The following CDH12 variants were observed in gnomAD, a reference collection of about 807,000 sequenced individuals.
CDH12 encodes the protein cadherin-12.
In CDH12, 41 loss-of-function variants were observed where a neutral mutation model predicts 74.1. The ratio of observed to expected loss-of-function variants is 0.55; its 90% confidence interval spans 0.43 to 0.72. CDH12 has a LOEUF of 0.72. Ranked by LOEUF, CDH12 falls within the 30% of genes least tolerant of loss-of-function variation. The probability of loss-of-function intolerance (pLI) is 0.00; values close to 1 mark genes in which losing one functional copy is unlikely to be tolerated. For synonymous variants in CDH12, 399 were observed against 355.0 expected (o/e 1.12, Z -1.39); for missense variants, 945 against 977.2 (o/e 0.97, Z 0.44).
At chr5:22,312,210 T>C (rs1738423998) in intron 3 of CDH12, among the ~76,000 whole-genome samples, 1 of 151,956 alleles carries the variant, frequency 6.6e-6, no homozygotes, top group African/African-American at 2.4e-5. Context: ...GAGTTTTCAG[T>C]AGATATGTTA....
At chr5:21,885,477 T>C in intron 6 of CDH12, among the ~76,000 whole-genome samples, 1 of 152,158 alleles carries the variant, frequency 6.6e-6, no homozygotes, top group East Asian at 1.9e-4. Flanking sequence ...TCAAAATGGT[T>C]CACTCTTTCA....
intron 3 of CDH12, among the ~76,000 whole-genome samples, chr5:22,353,291 C>G (rs2150466243): frequency 6.6e-6 from 1 of 152,240 alleles, no homozygotes; most frequent in Admixed American, 6.5e-5. Context: ...CAAATATTTT[C>G]TACATAATTA....
chr5:22,842,550 G>GATTT (rs1197576052), intron 1 of CDH12, among the ~76,000 whole-genome samples: 2 of 152,126 alleles, frequency 1.3e-5, no homozygotes, highest in African/African-American at 4.8e-5. Context: ...AATAACCAAA[G>GATTT]ATTTATTGGT....
At chr5:22,586,512 A>T (rs1195996954) in intron 1 of CDH12, among the ~76,000 whole-genome samples, 5 of 140,856 alleles carry the variant, frequency 3.5e-5, no homozygotes, top group African/African-American at 1.3e-4. Context: ...TATAAATAAA[A>T]ATAAAACTTG....
At chr5:22,067,033 T>C (rs1045141803) in intron 5 of CDH12, among the ~76,000 whole-genome samples, 4 of 152,192 alleles carry the variant, frequency 2.6e-5, no homozygotes, top group Admixed American at 2.6e-4. Context: ...AGTTTGCTTC[T>C]GGCTGGCAAG....
intron 11 of CDH12, among the ~76,000 whole-genome samples, chr5:21,780,048 T>A (rs781771263): frequency 8.5e-5 from 13 of 152,282 alleles, no homozygotes; most frequent in Middle Eastern, 3.4e-3. Flanking sequence ...CAGAAGTCCA[T>A]TTTAGGAATA....
intron 9 of CDH12, among the ~76,000 whole-genome samples, chr5:21,812,021 C>T (rs1747772374): frequency 1.2e-4 from 18 of 151,896 alleles, no homozygotes; most frequent in Admixed American, 1.2e-3. Context: ...CAAGCCCTCC[C>T]TCTATACAGG....
At chr5:22,130,965 A>G (rs1326793299) in intron 4 of CDH12, among the ~76,000 whole-genome samples, 2 of 151,882 alleles carry the variant, frequency 1.3e-5, no homozygotes, top group East Asian at 1.9e-4. Context: ...TGTCTTCTTT[A>G]TCTCAGCATC....
intron 3 of CDH12, among the ~76,000 whole-genome samples, chr5:22,337,377 G>T (rs1315263007): frequency 6.6e-6 from 1 of 152,134 alleles, no homozygotes; most frequent in Non-Finnish European, 1.5e-5. Context: ...GGAGGTGCTG[G>T]GGTGGAATGA....
chr5:21,880,612 C>CTCTCTCTCTCTCT (rs1561268318), intron 6 of CDH12, among the ~76,000 whole-genome samples: 7 of 69,872 alleles, frequency 1.0e-4, no homozygotes, highest in African/African-American at 4.6e-4. Context: ...TCCTTCCTTC[C>CTCTCTCTCTCTCT]TTCCTTCTTT....
At chr5:21,817,450 G>A (rs1748121894) in intron 8 of CDH12, among the ~76,000 whole-genome samples, 1 of 151,850 alleles carries the variant, frequency 6.6e-6, no homozygotes, top group Admixed American at 6.6e-5. Context: ...GGGAGGGTGG[G>A]ACTATTCATG....
intron 3 of CDH12, among the ~76,000 whole-genome samples, chr5:22,244,353 G>T (rs892758156): frequency 2.6e-5 from 4 of 151,560 alleles, no homozygotes; most frequent in African/African-American, 7.3e-5. Flanking sequence ...AGCCTAGCTG[G>T]GTGTGGTGGT....
chr5:22,331,748 A>T, intron 3 of CDH12, among the ~76,000 whole-genome samples: 1 of 152,356 alleles, frequency 6.6e-6, no homozygotes, highest in East Asian at 1.9e-4. Flanking sequence ...GATGAAACTC[A>T]AATAAATTCA....
At chr5:22,144,739 A>AATTTT (rs2150302397) in intron 4 of CDH12, among the ~76,000 whole-genome samples, 1 of 152,228 alleles carries the variant, frequency 6.6e-6, no homozygotes. Flanking sequence ...TTGACGTAAT[A>AATTTT]ATTTTGAGCT....
intron 1 of CDH12, among the ~76,000 whole-genome samples, chr5:22,638,062 G>T (rs1738933067): frequency 6.6e-6 from 1 of 152,148 alleles, no homozygotes; most frequent in African/African-American, 2.4e-5. Context: ...TATGTGTTAA[G>T]TTCTGGATTG....
chr5:22,289,275 G>GA (rs1278913204), intron 3 of CDH12, among the ~76,000 whole-genome samples: 1 of 151,838 alleles, frequency 6.6e-6, no homozygotes, highest in East Asian at 1.9e-4. Context: ...CTTTAGAATA[G>GA]AAAAAAATTC....
At chr5:22,760,367 G>T (rs1020824602) in intron 1 of CDH12, among the ~76,000 whole-genome samples, 8 of 152,128 alleles carry the variant, frequency 5.3e-5, no homozygotes, top group African/African-American at 1.9e-4. Context: ...CAAATAGCAG[G>T]TACCAGTAGG....
At chr5:22,399,708 G>GA (rs1742631244) in intron 3 of CDH12, among the ~76,000 whole-genome samples, 1 of 151,742 alleles carries the variant, frequency 6.6e-6, no homozygotes, top group East Asian at 1.9e-4. Context: ...CCAGACTAAT[G>GA]ATGGCCTTGT....
chr5:22,008,105 G>A (rs1218397016), intron 5 of CDH12, among the ~76,000 whole-genome samples: 1 of 152,008 alleles, frequency 6.6e-6, no homozygotes, highest in Non-Finnish European at 1.5e-5. Context: ...GTATTATCTT[G>A]GTGCTTTTGG....
Sources: allele counts gnomAD v4.1 joint callset (sites outside exome capture counted in the v4.1 genomes callset), GRCh38; gene constraint gnomAD v4.1.1; transcripts MANE v1.5; gene names NCBI Gene and HGNC (gene_info 2026-07-23, HGNC 2026-07-21).